The following CDH11 variants were observed in gnomAD, a reference collection of about 807,000 sequenced individuals.
CDH11 encodes the protein cadherin 11, also known as cadherin-11.
In CDH11, 11 loss-of-function variants were observed where a neutral mutation model predicts 67.8. That is an observed-to-expected ratio of 0.16 (90% CI 0.10 to 0.27). The LOEUF is 0.27. Ranked by LOEUF, CDH11 falls within the 10% of genes least tolerant of loss-of-function variation. The probability of loss-of-function intolerance (pLI) is 1.00; values close to 1 mark genes in which losing one functional copy is unlikely to be tolerated. For synonymous variants in CDH11, 419 were observed against 400.0 expected, an observed-to-expected ratio of 1.05 and a Z score of -0.57; for missense variants, 847 against 1,031.2, an observed-to-expected ratio of 0.82 and a Z score of 2.45.
chr16:64,971,458 C>T (rs1276223586), intron 11 of CDH11, 121 bp downstream of exon 11: 16 of 629,254 alleles, frequency 2.5e-5, no homozygotes, highest in Non-Finnish European at 3.6e-5. Context: ...TTATTATTTC[C>T]GGTTTCTTCT....
intron 1 of CDH11, among the ~76,000 whole-genome samples, chr16:65,105,236 G>A (rs2075048803): frequency 6.6e-6 from 1 of 152,186 alleles, no homozygotes; most frequent in South Asian, 2.1e-4. Flanking sequence ...AGAGGTTTTA[G>A]TGTTTGTGTT....
intron 2 of CDH11, among the ~76,000 whole-genome samples, chr16:65,032,474 G>A (rs1262370350): frequency 6.6e-6 from 1 of 151,892 alleles, no homozygotes; most frequent in Non-Finnish European, 1.5e-5. Flanking sequence ...TAGGTGACAG[G>A]ATGAGGAAAA....
chr16:64,958,365 C>G (rs1845849), intron 11 of CDH11, among the ~76,000 whole-genome samples: 37,412 of 151,532 alleles, frequency 0.25, 5,401 homozygotes, highest in South Asian at 0.34. Flanking sequence ...GCAGATTTTG[C>G]TTTTGCTAAA....
intron 4 of CDH11, 131 bp downstream of exon 4, chr16:64,998,431 T>C: frequency 1.2e-6 from 1 of 849,234 alleles, no homozygotes; most frequent in Non-Finnish European, 1.9e-6. Context: ...AGAATTTTTG[T>C]TCCTTTTGTT....
chr16:64,981,385 A>C (rs2072344011), intron 8 of CDH11: 1 of 151,166 alleles, frequency 6.6e-6, no homozygotes, highest in African/African-American at 2.4e-5. Context: ...GAGATTACAG[A>C]TGTGAGCCAC....
chr16:65,115,720 A>C (rs1311941656), intron 1 of CDH11, among the ~76,000 whole-genome samples: 2 of 131,624 alleles, frequency 1.5e-5, no homozygotes, highest in Non-Finnish European at 3.2e-5. Context: ...AAAAAAAAAA[A>C]ACAAAAAAAC....
intron 1 of CDH11, among the ~76,000 whole-genome samples, chr16:65,088,639 C>T (rs904574386): frequency 6.6e-6 from 1 of 152,114 alleles, no homozygotes; most frequent in Non-Finnish European, 1.5e-5. Context: ...ACTTTTGCCT[C>T]CTATAAATAA....
chr16:65,047,224 G>C (rs2073976463), intron 2 of CDH11, among the ~76,000 whole-genome samples: 1 of 152,218 alleles, frequency 6.6e-6, no homozygotes, highest in Non-Finnish European at 1.5e-5. Context: ...CCCAGAAACT[G>C]TCTGGAAGTC....
intron 2 of CDH11, among the ~76,000 whole-genome samples, chr16:65,037,883 G>A (rs2073785822): frequency 6.6e-6 from 1 of 152,126 alleles, no homozygotes. Flanking sequence ...AAGATGAGAA[G>A]CCAGGCATCC....
At chr16:65,118,988 A>G (rs1033415066) in intron 1 of CDH11, 35 of 152,290 alleles carry the variant, frequency 2.3e-4, no homozygotes, top group African/African-American at 7.2e-4. Flanking sequence ...AAGTTTACCA[A>G]CTTCATAAGT....
Position 64,947,382 on chromosome 16 carries a change from G to A in CDH11, c.*221C>T. On this transcript the variant is annotated 3_prime_UTR_variant, in exon 13 of 13. Transcript: ENST00000268603. ...CCAAGTGTTTTTTTTTTCTAGCGAA[G>A]TTGATAAACAACTTCAATATTTGCC... 7.8e-7 allele frequency: 1 copy of A among 1,285,832 alleles called. No homozygotes were observed. The highest frequency in any genetic ancestry group is 9.8e-7 in the Non-Finnish European group (1 of 1,016,606). The allele number at this position is 1,285,832 out of a possible 1,614,324, so 79.7% of individuals were successfully genotyped here. A position where few individuals can be genotyped will look rare whatever the true frequency, so the allele number is the denominator to read the frequency against.
intron 2 of CDH11, among the ~76,000 whole-genome samples, chr16:65,050,796 TA>T (rs34691456): frequency 0.14 from 20,406 of 144,900 alleles, 1,913 homozygotes; most frequent in East Asian, 0.43. Flanking sequence ...ATTTCCAGGT[TA>T]AAAAAAAAAA....
At chr16:65,083,303 C>T (rs996332082) in intron 1 of CDH11, among the ~76,000 whole-genome samples, 5 of 152,202 alleles carry the variant, frequency 3.3e-5, no homozygotes, top group East Asian at 3.9e-4. Context: ...AAGAGTGAGA[C>T]AGCCTTGCTT....
chr16:65,050,355 T>C (rs1198081545), intron 2 of CDH11, among the ~76,000 whole-genome samples: 1 of 152,190 alleles, frequency 6.6e-6, no homozygotes, highest in Non-Finnish European at 1.5e-5. Context: ...TCTCTCCGTC[T>C]TTCCTTCCCA....
chr16:64,992,761 C>T (rs948883006), intron 5 of CDH11, among the ~76,000 whole-genome samples, 154 bp downstream of exon 5: 1 of 152,260 alleles, frequency 6.6e-6, no homozygotes, highest in Non-Finnish European at 1.5e-5. Context: ...GTGATAGGCA[C>T]AGGCCAAGTA....
At chr16:65,002,033 G>A (rs978543031) in intron 3 of CDH11, among the ~76,000 whole-genome samples, 1 of 152,100 alleles carries the variant, frequency 6.6e-6, no homozygotes, top group African/African-American at 2.4e-5. Flanking sequence ...CAAATCAAAG[G>A]TTGTTAGGAA....
chr16:64,952,835 GA>G (rs1168845791), intron 11 of CDH11, among the ~76,000 whole-genome samples: 2 of 151,732 alleles, frequency 1.3e-5, no homozygotes, highest in East Asian at 1.9e-4. Context: ...CTGTAGTAGG[GA>G]AAAAAAATCT....
chr16:65,009,346 G>A (rs2073129223), intron 2 of CDH11, among the ~76,000 whole-genome samples: 1 of 152,108 alleles, frequency 6.6e-6, no homozygotes, highest in Non-Finnish European at 1.5e-5. Flanking sequence ...CAATAACATA[G>A]TATAACCAGG....
At chr16:65,023,060 G>A (rs1392701446) in intron 2 of CDH11, among the ~76,000 whole-genome samples, 3 of 152,116 alleles carry the variant, frequency 2.0e-5, no homozygotes, top group Admixed American at 2.0e-4. Flanking sequence ...AAGTAAAATG[G>A]TCAGTCATTG....
Sources: gnomAD v4.1 joint callset for allele counts (sites outside exome capture counted in the v4.1 genomes callset) on GRCh38, gnomAD v4.1.1 for gene constraint, MANE v1.5 for transcripts, NCBI Gene and HGNC (gene_info 2026-07-23, HGNC 2026-07-21) for gene names.